AGBL1: variants seen among roughly 807,000 people sequenced by gnomAD.
AGBL1 encodes AGBL carboxypeptidase 1.
In AGBL1, 130 loss-of-function variants were observed where a neutral mutation model predicts 118.9. The ratio of observed to expected loss-of-function variants is 1.09; its 90% CI spans 0.95 to 1.26. The LOEUF (loss-of-function observed/expected upper bound fraction) is 1.26. Ranked by LOEUF, AGBL1 falls within the 50% of genes most tolerant of loss-of-function variation. The probability of loss-of-function intolerance (pLI) is 0.00; values close to 1 mark genes in which losing one functional copy is unlikely to be tolerated. For synonymous variants in AGBL1, 555 were observed against 478.9 expected (o/e 1.16, Z -2.08); for missense variants, 1,584 against 1,298.1 (o/e 1.22, Z -3.38).
At chr15:86,886,779 G>A (rs536339380) in intron 22 of AGBL1, among the ~76,000 whole-genome samples, 6 of 152,228 alleles carry the variant, frequency 3.9e-5, no homozygotes, top group South Asian at 2.1e-4. Flanking sequence ...GGACCCAGTC[G>A]GAGAACAGCA....
chr15:86,157,932 T>C (rs925378016), intron 4 of AGBL1, among the ~76,000 whole-genome samples: 1 of 152,198 alleles, frequency 6.6e-6, no homozygotes, highest in Non-Finnish European at 1.5e-5. Flanking sequence ...GCCTAAAATC[T>C]TCCATGTTAG....
chr15:86,571,909 C>T (rs934364369), intron 21 of AGBL1, among the ~76,000 whole-genome samples: 1 of 152,176 alleles, frequency 6.6e-6, no homozygotes, highest in Admixed American at 6.5e-5. Flanking sequence ...CGCTGTTCTC[C>T]ACACCCAGGC....
At chr15:86,563,303 A>T (rs1394474472) in intron 21 of AGBL1, among the ~76,000 whole-genome samples, 1 of 152,112 alleles carries the variant, frequency 6.6e-6, no homozygotes, top group Non-Finnish European at 1.5e-5. Flanking sequence ...TTCCCTCTAC[A>T]CACTGCTTTA....
intron 17 of AGBL1, among the ~76,000 whole-genome samples, chr15:86,378,493 G>C (rs1279288949): frequency 6.6e-6 from 1 of 152,212 alleles, no homozygotes; most frequent in South Asian, 2.1e-4. Flanking sequence ...CACTCAGCCA[G>C]CCCTGGTCAT....
At chr15:86,527,570 C>T (rs1199043090) in intron 19 of AGBL1, among the ~76,000 whole-genome samples, 2 of 152,182 alleles carry the variant, frequency 1.3e-5, no homozygotes, top group African/African-American at 4.8e-5. Context: ...CTGCCACTCA[C>T]TCAGCACTCA....
At chr15:86,394,535 T>C (rs894386425) in intron 17 of AGBL1, among the ~76,000 whole-genome samples, 2 of 152,102 alleles carry the variant, frequency 1.3e-5, no homozygotes, top group Non-Finnish European at 2.9e-5. Context: ...AGCAAAAACA[T>C]GAGTACAGTG....
intron 18 of AGBL1, among the ~76,000 whole-genome samples, chr15:86,494,453 C>T (rs1007635395): frequency 6.6e-6 from 1 of 151,876 alleles, no homozygotes; most frequent in Non-Finnish European, 1.5e-5. Context: ...TTATTCTTTC[C>T]CCTCACTGGC....
chr15:86,250,945 T>TTGCTAC (rs1362980205), intron 7 of AGBL1, among the ~76,000 whole-genome samples: 1 of 152,182 alleles, frequency 6.6e-6, no homozygotes, highest in African/African-American at 2.4e-5. Flanking sequence ...GCTGCTGCTA[T>TTGCTAC]TGCTACTGCC....
chr15:86,346,282 C>T (rs940537091), intron 17 of AGBL1, among the ~76,000 whole-genome samples: 1 of 151,634 alleles, frequency 6.6e-6, no homozygotes, highest in Non-Finnish European at 1.5e-5. Context: ...GTGCCCAGCC[C>T]ATAGCTCCTC....
At position 86,256,926 on chromosome 15, in the gene AGBL1, C is replaced by T. The variant is rs369807683; in HGVS notation, c.809C>T (p.Thr270Met). 79 of 1,613,916 alleles carry T rather than the reference C, an allele frequency of 4.9e-5. No individual in the cohort carries two copies. Among genetic ancestry groups the T allele is most frequent in the African/African-American group, 3.3e-4 (25 of 75,024 alleles). Residue 270 changes from threonine (T) to methionine (M), a missense_variant, in exon 8 of 23, where the codon ACG becomes ATG. Physicochemically the swap from Thr to Met is moderately conservative, Grantham distance 81. Coordinates refer to ENST00000614907, the MANE Select transcript of AGBL1 (RefSeq NM_001386094.1). ...VLQILRQCYPTSPLPLVTASS... is the reference protein window; with the variant it reads ...VLQILRQCYPMSPLPLVTASS... Reference sequence around the variant, plus strand: ...CAGATCCTGAGGCAGTGCTACCCTACGAGTCCACTTCCCTTGGTCACAGCC... The same window carrying T: ...CAGATCCTGAGGCAGTGCTACCCTATGAGTCCACTTCCCTTGGTCACAGCC...
chr15:86,716,940 A>G (rs116233594), intron 22 of AGBL1, among the ~76,000 whole-genome samples: 3,486 of 152,290 alleles, frequency 0.023, 149 homozygotes, highest in African/African-American at 0.08. Flanking sequence ...TTATCATTCT[A>G]TGCTTCAGAA....
chr15:86,940,910 T>A (rs2080743468), intron 23 of AGBL1, among the ~76,000 whole-genome samples: 3 of 152,222 alleles, frequency 2.0e-5, no homozygotes, highest in Non-Finnish European at 4.4e-5. Flanking sequence ...TCAGCCCTGC[T>A]CTGCCTATAA....
chr15:86,549,884 T>TGGAGGGAG (rs1289626161), intron 20 of AGBL1, among the ~76,000 whole-genome samples: 2 of 18,986 alleles, frequency 1.1e-4, no homozygotes, highest in African/African-American at 1.5e-4. Context: ...GGGAGGGGAG[T>TGGAGGGAG]GGAGGGAGGG....
At chr15:87,002,452 G>A (rs113647286) in intron 24 of AGBL1, among the ~76,000 whole-genome samples, 2 of 151,890 alleles carry the variant, frequency 1.3e-5, no homozygotes, top group African/African-American at 2.4e-5. Flanking sequence ...GATTGACTTG[G>A]CAATGTGGGC....
At chr15:86,817,623 G>A (rs535435344) in intron 22 of AGBL1, among the ~76,000 whole-genome samples, 267 of 111,982 alleles carry the variant, frequency 2.4e-3, no homozygotes, top group Middle Eastern at 0.012. Flanking sequence ...AAAGAGACAG[G>A]CATACACACA....
chr15:86,771,752 T>G (rs1469226534), intron 22 of AGBL1, among the ~76,000 whole-genome samples: 1 of 152,024 alleles, frequency 6.6e-6, no homozygotes, highest in African/African-American at 2.4e-5. Flanking sequence ...TCCTTAATTA[T>G]TTTTTTCTCC....
At chr15:86,505,213 T>C (rs971421697) in intron 18 of AGBL1, among the ~76,000 whole-genome samples, 1 of 151,952 alleles carries the variant, frequency 6.6e-6, no homozygotes, top group Non-Finnish European at 1.5e-5. Context: ...ATTTTGGTTA[T>C]TACATGTCTA....
intron 21 of AGBL1, among the ~76,000 whole-genome samples, chr15:86,637,969 C>A (rs1272848416): frequency 6.6e-6 from 1 of 152,098 alleles, no homozygotes; most frequent in African/African-American, 2.4e-5. Flanking sequence ...TATCCTTCTG[C>A]CCCTCAGGGC....
intron 18 of AGBL1, among the ~76,000 whole-genome samples, chr15:86,476,608 T>A (rs1347149750): frequency 1.3e-5 from 2 of 152,064 alleles, no homozygotes; most frequent in Non-Finnish European, 2.9e-5. Flanking sequence ...ACAAAGAGAC[T>A]TAGACTCCCA....
Sources: gnomAD v4.1 joint callset for allele counts (sites outside exome capture counted in the v4.1 genomes callset) on GRCh38, gnomAD v4.1.1 for gene constraint, MANE v1.5 for transcripts, NCBI Gene and HGNC (gene_info 2026-07-23, HGNC 2026-07-21) for gene names.